MYO1H: variants seen among roughly 807,000 people sequenced by gnomAD.
The protein encoded by MYO1H is unconventional myosin-Ih.
MYO1H carries 118 observed loss-of-function variants against 149.3 expected under a neutral mutation model. That is an observed-to-expected ratio of 0.79 (90% CI 0.68 to 0.92). The LOEUF (loss-of-function observed/expected upper bound fraction) is 0.92, where lower values mean the gene tolerates loss of function less well. Ranked by LOEUF, MYO1H falls within the 40% of genes least tolerant of loss-of-function variation. The pLI, the probability that MYO1H is intolerant of heterozygous loss-of-function variation, is 0.00. For synonymous variants in MYO1H, 447 were observed against 465.2 expected (o/e 0.96, Z 0.50); for missense variants, 1,212 against 1,280.7 (o/e 0.95, Z 0.82).
intron 16 of MYO1H, 55 bp from the exon 17 acceptor site, chr12:109,424,693 C>A: frequency 7.1e-7 from 1 of 1,409,590 alleles, no homozygotes. Flanking sequence ...GTCCTGACAG[C>A]CCTGTAGTGA....
upstream of MYO1H, among the ~76,000 whole-genome samples, chr12:109,344,991 A>G (rs1424273706): frequency 6.6e-6 from 1 of 152,240 alleles, no homozygotes; most frequent in Non-Finnish European, 1.5e-5. Flanking sequence ...ATTAACTATA[A>G]AACTATTAGA....
the MYO1H span, among the ~76,000 whole-genome samples, chr12:109,319,642 C>G: frequency 1.3e-5 from 2 of 151,962 alleles, no homozygotes; most frequent in Non-Finnish European, 2.9e-5. Flanking sequence ...GTTAGGAAAA[C>G]CTTTGCTTGC....
Position 109,358,125 on chromosome 12 carries a change from T to C in MYO1H, c.12+10153T>C, listed in dbSNP as rs371393896. Among the ~76,000 whole-genome samples, 3 of 151,560 alleles carry C rather than the reference T, an allele frequency of 2.0e-5. No homozygotes were observed. In the East Asian group the frequency reaches 5.8e-4, roughly 29 times the overall value. On this transcript the variant is annotated intron_variant, in intron 1 of 31. Coordinates refer to ENST00000310903, the Ensembl canonical transcript of MYO1H. Reference sequence around the variant, plus strand: ...AAGCATCCACTGATATCTAGTATGTTCTTAGGTTTGGCTCGATGACCAGAG... The same window carrying C: ...AAGCATCCACTGATATCTAGTATGTCCTTAGGTTTGGCTCGATGACCAGAG...
chr12:109,362,380 C>T lies in MYO1H; in HGVS notation c.12+14408C>T, dbSNP rs78039770. Among the ~76,000 whole-genome samples the T allele has an allele frequency of 9.6e-3, 1,456 of 152,310 alleles. 23 individuals are homozygous for T. Among genetic ancestry groups the T allele is most frequent in the East Asian group, 0.061 (315 of 5,186 alleles). Reference sequence around the variant, plus strand: ...TAAATATTATTATTGAAAATTATGTCATCCACTATGTTTTGTTTTGTAGGG... The same window carrying T: ...TAAATATTATTATTGAAAATTATGTTATCCACTATGTTTTGTTTTGTAGGG... On this transcript the variant is annotated intron_variant, in intron 1 of 31. Transcript: ENST00000310903.
intron 17 of MYO1H, 37 bp downstream of exon 17, chr12:109,424,865 A>C: frequency 1.9e-3 from 2,926 of 1,522,104 alleles, no homozygotes; most frequent in Non-Finnish European, 2.4e-3. Context: ...ATTGGATCTC[A>C]CCAGAGGGTG....
chr12:109,387,430 T>C (rs1020855833), intron 1 of MYO1H, among the ~76,000 whole-genome samples: 1 of 152,220 alleles, frequency 6.6e-6, no homozygotes, highest in Non-Finnish European at 1.5e-5. Context: ...TATCCATATG[T>C]ACCAGTTGTC....
At chr12:109,388,180 T>A (rs1225657228) in intron 1 of MYO1H, among the ~76,000 whole-genome samples, 1 of 150,610 alleles carries the variant, frequency 6.6e-6, no homozygotes, top group South Asian at 2.1e-4. Context: ...TAAAGAAAAA[T>A]TAATTTTAAA....
chr12:109,440,397 A>G (rs1294796598), intron 24 of MYO1H, among the ~76,000 whole-genome samples: 1 of 152,092 alleles, frequency 6.6e-6, no homozygotes, highest in Admixed American at 6.6e-5. Context: ...GCATCCCTCA[A>G]GAGATGATCT....
At position 109,427,412 on chromosome 12, in the gene MYO1H, G is replaced by A. The variant is rs959190265; in HGVS notation, c.1832-57G>A. 4.4e-6 allele frequency: 5 copies of A among 1,145,664 alleles called. No homozygotes were observed. The African/African-American group carries it at 7.6e-5, about 17-fold the overall frequency. 71.0% of individuals were successfully genotyped at this position (1,145,664 alleles called of 1,614,324 possible). A position where few individuals can be genotyped will look rare whatever the true frequency, so the allele number is the denominator to read the frequency against. On this transcript the variant is annotated intron_variant, in intron 18 of 31. Transcript: ENST00000310903. ...CAGCTTGCAGCCTGTGATCTGCCTT[G>A]GTTGATATGAAGCCATGGGATCCTT...
At chr12:109,375,948 C>T (rs575977229) in intron 1 of MYO1H, among the ~76,000 whole-genome samples, 5 of 152,268 alleles carry the variant, frequency 3.3e-5, no homozygotes, top group Admixed American at 6.5e-5. Flanking sequence ...CACTACACTT[C>T]GGCGTGGGCA....
chr12:109,409,246 CTTTTTTTTTTTT>C (rs66507410), intron 10 of MYO1H, among the ~76,000 whole-genome samples: 25 of 47,854 alleles, frequency 5.2e-4, no homozygotes, highest in African/African-American at 1.7e-3. Flanking sequence ...TCTTCTTCTT[CTTTTTTTTTTTT>C]TTTTTTTTTT....
At chr12:109,313,514 T>G in the MYO1H span, among the ~76,000 whole-genome samples, 1 of 152,242 alleles carries the variant, frequency 6.6e-6, no homozygotes, top group African/African-American at 2.4e-5. Flanking sequence ...GATCATTCTT[T>G]GGGAGTGCGA....
intron 5 of MYO1H, among the ~76,000 whole-genome samples, chr12:109,398,327 G>A (rs915580726): frequency 6.6e-6 from 1 of 152,214 alleles, no homozygotes; most frequent in Non-Finnish European, 1.5e-5. Flanking sequence ...CTACACTGTG[G>A]TGTGTTCACA....
chr12:109,361,412 A>C (rs931908000), intron 1 of MYO1H, among the ~76,000 whole-genome samples: 8 of 152,130 alleles, frequency 5.3e-5, no homozygotes, highest in Non-Finnish European at 1.2e-4. Context: ...CTTACCCCCC[A>C]AAAAAACTTA....
At chr12:109,374,924 G>A (rs569162554) in intron 1 of MYO1H, among the ~76,000 whole-genome samples, 114 of 150,742 alleles carry the variant, frequency 7.6e-4, no homozygotes, top group Non-Finnish European at 1.4e-3. Flanking sequence ...GCATGATCTC[G>A]GCTCACTGCA....
the MYO1H span, among the ~76,000 whole-genome samples, chr12:109,341,089 G>A: frequency 1.5e-4 from 23 of 151,730 alleles, no homozygotes; most frequent in Middle Eastern, 3.4e-3. Flanking sequence ...TCAGGAGGCT[G>A]AGGCAGGAGA....
chr12:109,416,396 A>AT (rs1870914603), intron 15 of MYO1H, among the ~76,000 whole-genome samples: 1 of 111,462 alleles, frequency 9.0e-6, no homozygotes, highest in Non-Finnish European at 1.8e-5. Context: ...TTTTTTTGAC[A>AT]TTTTTTATAA....
intron 4 of MYO1H, among the ~76,000 whole-genome samples, chr12:109,396,813 C>CTTTTTT (rs1869929395): frequency 1.8e-5 from 1 of 54,480 alleles, no homozygotes; most frequent in African/African-American, 5.8e-5. Context: ...GTTTTGGTTT[C>CTTTTTT]GTTTTTTTTT....
intron 9 of MYO1H, 88 bp from the exon 10 acceptor site, chr12:109,407,705 TA>T (rs1870455849): frequency 3.6e-6 from 5 of 1,392,900 alleles, no homozygotes; most frequent in Admixed American, 5.0e-5. Context: ...CTCATTATTT[TA>T]TTTTTTTTTT....
Sources: allele counts gnomAD v4.1 joint callset (sites outside exome capture counted in the v4.1 genomes callset), GRCh38; gene constraint gnomAD v4.1.1; transcripts MANE v1.5; gene names NCBI Gene and HGNC (gene_info 2026-07-23, HGNC 2026-07-21).